HS2ST1: variants seen among roughly 807,000 people sequenced by gnomAD.
The protein encoded by HS2ST1 is heparan sulfate 2-O-sulfotransferase 1, also known as 2-O-sulfotransferase.
Under a neutral mutation model 42.9 loss-of-function variants are expected in HS2ST1, and 18 were observed. The observed-to-expected ratio is 0.42, with a 90% CI of 0.29 to 0.62. HS2ST1 has a LOEUF of 0.62. HS2ST1 is among the 20% of genes least tolerant of loss of function. The pLI is 0.21. For synonymous variants in HS2ST1, 146 were observed against 152.9 expected, an observed-to-expected ratio of 0.95 and a Z score of 0.33; for missense variants, 334 against 433.8, an observed-to-expected ratio of 0.77 and a Z score of 2.04.
At chr1:87,041,925 A>G (rs1557525132) in intron 1 of HS2ST1, among the ~76,000 whole-genome samples, 1 of 152,208 alleles carries the variant, frequency 6.6e-6, no homozygotes, top group Admixed American at 6.5e-5. Context: ...TATCTCTTAA[A>G]GATTCTGACT....
intron 1 of HS2ST1, among the ~76,000 whole-genome samples, chr1:86,991,358 A>G (rs1418355334): frequency 2.0e-5 from 3 of 152,206 alleles, no homozygotes; most frequent in Non-Finnish European, 4.4e-5. Context: ...ATAATATTTA[A>G]GGACAGAAAA....
At chr1:86,982,536 A>G (rs953983860) in intron 1 of HS2ST1, among the ~76,000 whole-genome samples, 2 of 151,898 alleles carry the variant, frequency 1.3e-5, no homozygotes, top group African/African-American at 4.8e-5. Flanking sequence ...TTTTTTTGAG[A>G]TGGAGTCTTG....
At chr1:86,974,380 G>C (rs565487470) in intron 1 of HS2ST1, among the ~76,000 whole-genome samples, 5 of 152,150 alleles carry the variant, frequency 3.3e-5, no homozygotes, top group Non-Finnish European at 7.4e-5. Flanking sequence ...TGGGAGTTCT[G>C]TGCACCTCCT....
rs145353699 is a variant in HS2ST1 at position 86,966,541 on chromosome 1, G to A, written c.124+51381G>A. The stretch of plus-strand genomic sequence containing the variant: ...ATTATTTCTTAGTTGGATTAGAAAC[G>A]TGATGGGAAATAAAACTTTAATATG... On this transcript the variant is annotated intron_variant, in intron 1 of 6. Coordinates refer to ENST00000370550, the MANE Select transcript of HS2ST1 (RefSeq NM_012262.4). 7.9e-5 allele frequency among the ~76,000 whole-genome samples: 12 copies of A among 152,326 alleles called. No individual in the cohort carries two copies. In the East Asian group the frequency reaches 2.3e-3, roughly 29 times the overall value.
chr1:87,077,850 C>T (rs185561588), intron 2 of HS2ST1, among the ~76,000 whole-genome samples: 104 of 152,238 alleles, frequency 6.8e-4, no homozygotes, highest in Non-Finnish European at 9.0e-4. Context: ...ATGATCTATT[C>T]TTATCTCTCA....
Position 87,108,480 on chromosome 1 carries a change from T to G in HS2ST1, c.*3784T>G, listed in dbSNP as rs982468991. ...AGAGGAAGCAGAGAAGTTGCTGTTA[T>G]GTTTTTGCATCCGTTTACCCTATGC... is the stretch of plus-strand genomic sequence containing the variant. On this transcript the variant is annotated 3_prime_UTR_variant, in exon 7 of 7. Transcript: ENST00000370550. 6.6e-6 allele frequency: 1 copy of G among 152,120 alleles called. No individual in the cohort carries two copies. The highest frequency in any genetic ancestry group is 1.5e-5 in the Non-Finnish European group (1 of 67,976). The allele number at this position is 152,120 out of a possible 1,614,324, so 9.4% of individuals were successfully genotyped here.
At chr1:87,003,951 CTA>C (rs1649362100) in intron 1 of HS2ST1, among the ~76,000 whole-genome samples, 1 of 152,114 alleles carries the variant, frequency 6.6e-6, no homozygotes, top group Admixed American at 6.6e-5. Context: ...ACAGACAACT[CTA>C]TGTAATTGTT....
intron 1 of HS2ST1, among the ~76,000 whole-genome samples, chr1:86,976,702 T>TTTTATATATATATATATATATATATATA (rs1553134330): frequency 3.7e-5 from 1 of 26,830 alleles, no homozygotes. Context: ...CTTTATAAAA[T>TTTTATATATATATATATATATATATATA]TGTATATATA....
intron 3 of HS2ST1, among the ~76,000 whole-genome samples, chr1:87,090,380 A>T (rs1195234155): frequency 6.6e-6 from 1 of 152,030 alleles, no homozygotes; most frequent in Non-Finnish European, 1.5e-5. Flanking sequence ...CTTTTAAAAA[A>T]AACTGTGAAA....
intron 1 of HS2ST1, among the ~76,000 whole-genome samples, chr1:86,916,826 T>C (rs948592337): frequency 2.0e-5 from 3 of 152,206 alleles, no homozygotes; most frequent in Non-Finnish European, 2.9e-5. Flanking sequence ...TTTTTTGTTT[T>C]GTTACTATTT....
chr1:87,018,239 A>C (rs1424620582), intron 1 of HS2ST1, among the ~76,000 whole-genome samples: 2 of 152,118 alleles, frequency 1.3e-5, no homozygotes, highest in Admixed American at 1.3e-4. Context: ...TGAATCCTTT[A>C]AATATTTTTC....
intron 2 of HS2ST1, among the ~76,000 whole-genome samples, chr1:87,074,535 G>A (rs1212735032): frequency 6.6e-6 from 1 of 152,086 alleles, no homozygotes; most frequent in East Asian, 1.9e-4. Flanking sequence ...AAGATGTCTG[G>A]CAATGACATC....
intron 1 of HS2ST1, among the ~76,000 whole-genome samples, chr1:87,025,104 T>C (rs576955759): frequency 1.1e-4 from 17 of 152,210 alleles, no homozygotes; most frequent in African/African-American, 4.1e-4. Context: ...TGTCAGAGGA[T>C]TGAATGAGCA....
chr1:87,048,389 C>T (rs1650744430), intron 1 of HS2ST1, among the ~76,000 whole-genome samples: 1 of 152,118 alleles, frequency 6.6e-6, no homozygotes, highest in Non-Finnish European at 1.5e-5. Context: ...CTTTCTTTTT[C>T]TTGCCTTATT....
chr1:86,955,997 A>T (rs918055914), intron 1 of HS2ST1, among the ~76,000 whole-genome samples: 1 of 152,230 alleles, frequency 6.6e-6, no homozygotes, highest in African/African-American at 2.4e-5. Flanking sequence ...CAAAAAAGAT[A>T]AAATAAAAAA....
rs1651793406 is a variant in HS2ST1, at chr1:87,085,229, G to A, written c.449+950G>A. ...TTTTTTTATTATTTAGCTTAGACAT[G>A]TTTATTCAGTTTTTAAATTAGCTAT... On this transcript the variant is annotated intron_variant, in intron 3 of 6. Transcript: ENST00000370550. Among the ~76,000 whole-genome samples the A allele has an allele frequency of 2.6e-5, 4 of 151,930 alleles. No homozygotes were observed. The South Asian group carries it at 8.3e-4, about 31-fold the overall frequency.
At chr1:86,930,320 C>T (rs1162608168) in intron 1 of HS2ST1, among the ~76,000 whole-genome samples, 1 of 151,844 alleles carries the variant, frequency 6.6e-6, no homozygotes, top group African/African-American at 2.4e-5. Flanking sequence ...TTGTTGGAAG[C>T]TCAGCTTGCA....
At chr1:87,024,272 G>A (rs1570493287) in intron 1 of HS2ST1, among the ~76,000 whole-genome samples, 1 of 152,092 alleles carries the variant, frequency 6.6e-6, no homozygotes, top group Non-Finnish European at 1.5e-5. Flanking sequence ...GGAGGCCAAG[G>A]CAGGCAGATC....
chr1:86,979,747 G>A (rs927886600), intron 1 of HS2ST1, among the ~76,000 whole-genome samples: 2 of 152,098 alleles, frequency 1.3e-5, no homozygotes, highest in African/African-American at 2.4e-5. Flanking sequence ...TCAGTCATAC[G>A]GTAATTCTAT....
Sources: gnomAD v4.1 joint callset for allele counts (sites outside exome capture counted in the v4.1 genomes callset) on GRCh38, gnomAD v4.1.1 for gene constraint, MANE v1.5 for transcripts, NCBI Gene and HGNC (gene_info 2026-07-23, HGNC 2026-07-21) for gene names.